RELN: variants seen among roughly 807,000 people sequenced by gnomAD.
RELN encodes reelin.
Under a neutral mutation model 427.6 loss-of-function variants are expected in RELN, and 108 were observed. The observed-to-expected ratio is 0.25, with a 90% CI of 0.22 to 0.30. The LOEUF is 0.30. RELN is among the 10% of genes least tolerant of loss of function. RELN has a pLI of 1.00. For missense variants in RELN, 3,715 were observed against 4,302.8 expected, an observed-to-expected ratio of 0.86 and a Z score of 3.82; for synonymous variants, 1,524 against 1,513.4, an observed-to-expected ratio of 1.01 and a Z score of -0.16.
At chr7:103,792,581 G>T (rs1209640267) in intron 3 of RELN, among the ~76,000 whole-genome samples, 1 of 151,210 alleles carries the variant, frequency 6.6e-6, no homozygotes, top group African/African-American at 2.4e-5. Flanking sequence ...TGGGGGGATG[G>T]GGAAATGTAA....
chr7:103,828,958 T>C (rs73416946), intron 3 of RELN, among the ~76,000 whole-genome samples: 1,653 of 152,046 alleles, frequency 0.011, 29 homozygotes, highest in African/African-American at 0.037. Context: ...TAAAGGCAAC[T>C]GGAGTGAAGT....
Position 103,916,829 on chromosome 7 carries a change from A to G in RELN, c.337+246T>C, listed in dbSNP as rs192043176. 3.3e-5 allele frequency among the ~76,000 whole-genome samples: 5 copies of G among 152,268 alleles called. No homozygotes were observed. The East Asian group carries it at 9.6e-4, about 29-fold the overall frequency. Reference sequence around the variant, plus strand: ...TTACATGAACCCCAGAGGACCAAGTATAATTGCGGCAGTGGAGGGAGAGAA... The same window carrying G: ...TTACATGAACCCCAGAGGACCAAGTGTAATTGCGGCAGTGGAGGGAGAGAA... On this transcript the variant is annotated intron_variant, in intron 2 of 64. Transcript: ENST00000428762.
chr7:103,773,136 CTTTCTTTCTTTCTTTCTTTCTTTCTT>C (rs1236677246), intron 4 of RELN, among the ~76,000 whole-genome samples: 2 of 98,816 alleles, frequency 2.0e-5, no homozygotes, highest in African/African-American at 7.0e-5. Context: ...TTCTTTCTTT[CTTTCTTTCTTTCTTTCTTTCTTTCTT>C]TCTTTTTCTT....
At chr7:103,540,789 G>C (rs1018369028) in intron 43 of RELN, among the ~76,000 whole-genome samples, 1 of 152,144 alleles carries the variant, frequency 6.6e-6, no homozygotes, top group African/African-American at 2.4e-5. Context: ...TTTGAGTGTG[G>C]GAGTGTGTGT....
chr7:103,565,288 G>A lies in RELN; in HGVS notation c.5200C>T (p.Leu1734Phe), dbSNP rs362800. ...AATGACAATTCTCACATGGTGGAGA[G>A]TGGAAGGTAGACAGTGATCCGCTTC... Reference protein sequence around the residue: ...NWKRITVYLPLSTISPRTRFR... With the variant: ...NWKRITVYLPFSTISPRTRFR... The change falls in exon 34 of 65, where the codon CTC (leucine) becomes TTC (phenylalanine). Residue 1734 changes from leucine to phenylalanine, a missense_variant. This residue lies in a region of RELN where 2,208 missense variants were observed against 2,361.7 expected (regional missense o/e 0.93). Transcript: ENST00000428762. 1.2e-6 allele frequency: 2 copies of A among 1,614,136 alleles called. No homozygotes were observed. Among genetic ancestry groups the A allele is most frequent in the South Asian group, 1.1e-5 (1 of 91,086 alleles).
At chr7:103,811,060 A>C (rs39333) in intron 3 of RELN, among the ~76,000 whole-genome samples, 36,132 of 152,128 alleles carry the variant, frequency 0.24, 4,754 homozygotes, top group African/African-American at 0.33. Context: ...ATTAATGTTC[A>C]ATTATTTATT....
At chr7:103,907,799 T>G (rs1241957419) in intron 2 of RELN, among the ~76,000 whole-genome samples, 1 of 151,922 alleles carries the variant, frequency 6.6e-6, no homozygotes, top group Admixed American at 6.6e-5. Flanking sequence ...ACTTATTTTT[T>G]TTTAATTTTA....
intron 2 of RELN, among the ~76,000 whole-genome samples, chr7:103,835,952 C>CA (rs1474123778): frequency 3.4e-5 from 4 of 117,962 alleles, no homozygotes; most frequent in African/African-American, 1.4e-4. Context: ...CTCTCAATTA[C>CA]CCTTTTTTTT....
chr7:103,843,445 T>C (rs568011558), intron 2 of RELN, among the ~76,000 whole-genome samples: 51 of 152,274 alleles, frequency 3.3e-4, no homozygotes, highest in African/African-American at 1.1e-3. Context: ...TTCCACTACA[T>C]TGTCTGCTGG....
At chr7:103,874,849 A>G (rs1030634068) in intron 2 of RELN, among the ~76,000 whole-genome samples, 2 of 148,578 alleles carry the variant, frequency 1.3e-5, no homozygotes, top group African/African-American at 4.9e-5. Flanking sequence ...CAGAATTGGA[A>G]AAAACTACTT....
intron 2 of RELN, among the ~76,000 whole-genome samples, chr7:103,890,375 G>A (rs929652879): frequency 7.9e-5 from 12 of 152,168 alleles, no homozygotes; most frequent in Middle Eastern, 3.4e-3. Context: ...GGCCCATTAG[G>A]AACCAGGCCA....
intron 1 of RELN, among the ~76,000 whole-genome samples, chr7:103,975,731 G>A (rs933875614): frequency 2.3e-5 from 2 of 85,422 alleles, no homozygotes; most frequent in African/African-American, 9.5e-5. Flanking sequence ...TTTTTTTTTT[G>A]TATTTTTAGT....
rs1371554822 is a variant in RELN, at chr7:103,473,096, C to T, written c.10287-188G>A. ...GGAACTAAAGGCTGGGACCTATACT[C>T]ACTGCCTTTGGCCTTGAAGAAATCC... On this transcript the variant is annotated intron_variant, in intron 64 of 64. Coordinates refer to ENST00000428762, the MANE Select transcript of RELN (RefSeq NM_005045.4). 5.7e-6 allele frequency: 4 copies of T among 703,426 alleles called. 1 individual carries two copies. The highest frequency in any genetic ancestry group is 2.7e-4 in the Middle Eastern group (1 of 3,770). 43.6% of individuals were successfully genotyped at this position (703,426 alleles called of 1,614,324 possible).
chr7:103,551,737 C>T (rs1451523133), intron 40 of RELN, among the ~76,000 whole-genome samples: 1 of 152,120 alleles, frequency 6.6e-6, no homozygotes, highest in East Asian at 1.9e-4. Flanking sequence ...ACACATGAAT[C>T]TGCAATGAAT....
At chr7:103,977,746 C>T (rs1437557522) in intron 1 of RELN, among the ~76,000 whole-genome samples, 1 of 152,148 alleles carries the variant, frequency 6.6e-6, no homozygotes, top group Non-Finnish European at 1.5e-5. Context: ...TCCTTCCATT[C>T]TGCAAGCTAA....
At position 103,771,018 on chromosome 7, in the gene RELN, G is replaced by A. The variant is rs574824624; in HGVS notation, c.544+5539C>T. 5.3e-5 allele frequency among the ~76,000 whole-genome samples: 8 copies of A among 150,288 alleles called. No homozygotes were observed. In the South Asian group the frequency reaches 1.5e-3, roughly 28 times the overall value. On this transcript the variant is annotated intron_variant, in intron 4 of 64. Coordinates refer to ENST00000428762, the MANE Select transcript of RELN (RefSeq NM_005045.4). ...CAACCTCTGCCTCCCAGGTTTAAGC[G>A]ATTCTCTTGTACTCGGCTTCTGGAG...
chr7:103,811,807 T>G (rs1792749878), intron 3 of RELN, among the ~76,000 whole-genome samples: 1 of 152,218 alleles, frequency 6.6e-6, no homozygotes. Context: ...ACACAGATTT[T>G]AAAAATCGAC....
At chr7:103,925,039 C>T (rs1373366782) in intron 1 of RELN, among the ~76,000 whole-genome samples, 4 of 145,826 alleles carry the variant, frequency 2.7e-5, no homozygotes, top group East Asian at 4.1e-4. Flanking sequence ...CACACACACA[C>T]GCTCACTCAG....
chr7:103,504,649 G>T (rs1829146974), intron 51 of RELN: 1 of 152,456 alleles, frequency 6.6e-6, no homozygotes, highest in Non-Finnish European at 1.5e-5. Context: ...GGGGTCGGGG[G>T]ATTTCCCTTT....
Sources: gnomAD v4.1 joint callset for allele counts (sites outside exome capture counted in the v4.1 genomes callset) on GRCh38, gnomAD v4.1.1 for gene constraint, gnomAD v4.1.1 regional missense constraint, MANE v1.5 for transcripts, NCBI Gene and HGNC (gene_info 2026-07-23, HGNC 2026-07-21) for gene names.